Variants in INPP4B observed in about 807,000 individuals in gnomAD.
INPP4B encodes inositol polyphosphate 4-phosphatase type II.
INPP4B carries 55 observed loss-of-function variants against 122.5 expected under a neutral mutation model. The observed-to-expected ratio is 0.45, with a 90% CI of 0.36 to 0.56. INPP4B has a LOEUF of 0.56. Ranked by LOEUF, INPP4B falls within the 20% of genes least tolerant of loss-of-function variation. The pLI, the probability that INPP4B is intolerant of heterozygous loss-of-function variation, is 0.00. For missense variants in INPP4B, 1,000 were observed against 1,097.7 expected (o/e 0.91, Z 1.26); for synonymous variants, 403 against 388.7 (o/e 1.04, Z -0.43).
At chr4:142,663,775 C>T (rs896119378) in intron 2 of INPP4B, among the ~76,000 whole-genome samples, 2 of 152,066 alleles carry the variant, frequency 1.3e-5, no homozygotes, top group Admixed American at 6.5e-5. Flanking sequence ...TAGCAACTGT[C>T]ACCATAGTTT....
chr4:142,220,224 A>G (rs1227336755), intron 12 of INPP4B, among the ~76,000 whole-genome samples: 4 of 152,158 alleles, frequency 2.6e-5, no homozygotes, highest in Admixed American at 6.5e-5. Context: ...AGTTTCTCCT[A>G]TGAAAGTGTC....
At chr4:142,515,819 A>G (rs994194921) in intron 2 of INPP4B, among the ~76,000 whole-genome samples, 1 of 152,210 alleles carries the variant, frequency 6.6e-6, no homozygotes, top group East Asian at 1.9e-4. Context: ...TTCTCATTCT[A>G]CTTTTTAATA....
chr4:142,072,940 C>T (rs991063544), intron 25 of INPP4B, among the ~76,000 whole-genome samples: 1 of 152,014 alleles, frequency 6.6e-6, no homozygotes, highest in African/African-American at 2.4e-5. Flanking sequence ...ATTCCCACTG[C>T]TAAGAAGTGG....
At chr4:142,517,476 G>A (rs1400744092) in intron 2 of INPP4B, among the ~76,000 whole-genome samples, 1 of 152,112 alleles carries the variant, frequency 6.6e-6, no homozygotes, top group Non-Finnish European at 1.5e-5. Context: ...GAACTGGGTA[G>A]TAAAATACAT....
intron 12 of INPP4B, among the ~76,000 whole-genome samples, chr4:142,235,870 A>G (rs111828473): frequency 6.6e-6 from 1 of 152,186 alleles, no homozygotes; most frequent in Admixed American, 6.5e-5. Flanking sequence ...ATCACAGTAA[A>G]TGGGATATTC....
chr4:142,533,296 A>T (rs1290057356), intron 2 of INPP4B, among the ~76,000 whole-genome samples: 1 of 152,258 alleles, frequency 6.6e-6, no homozygotes, highest in East Asian at 1.9e-4. Flanking sequence ...CTACTCTGCC[A>T]TCAGTGTGAG....
intron 2 of INPP4B, among the ~76,000 whole-genome samples, chr4:142,499,273 A>G (rs571694743): frequency 6.6e-6 from 1 of 152,142 alleles, no homozygotes; most frequent in Admixed American, 6.6e-5. Flanking sequence ...TCAAGAAGCA[A>G]ATAATACAGC....
intron 12 of INPP4B, among the ~76,000 whole-genome samples, chr4:142,211,395 A>T (rs955130131): frequency 6.6e-6 from 1 of 152,196 alleles, no homozygotes; most frequent in Non-Finnish European, 1.5e-5. Context: ...ATTCATAATG[A>T]CATTTTCATT....
chr4:142,216,904 A>T (rs1037150975), intron 12 of INPP4B, among the ~76,000 whole-genome samples: 1 of 152,214 alleles, frequency 6.6e-6, no homozygotes, highest in Non-Finnish European at 1.5e-5. Flanking sequence ...GTTACATATA[A>T]TGTGTAAAAT....
intron 11 of INPP4B, among the ~76,000 whole-genome samples, chr4:142,255,601 C>A (rs955176829): frequency 3.3e-5 from 5 of 152,094 alleles, no homozygotes; most frequent in African/African-American, 9.7e-5. Flanking sequence ...CCAAAAGCGA[C>A]AAAGAAGGCC....
At chr4:142,090,333 A>G (rs981629459) in intron 23 of INPP4B, among the ~76,000 whole-genome samples, 3 of 151,206 alleles carry the variant, frequency 2.0e-5, no homozygotes, top group Admixed American at 6.6e-5. Context: ...TTCTATTTCT[A>G]TAGTGACAAA....
Position 142,843,126 on chromosome 4 carries a change from G to GTCTTTTCTAGGTATATACTGA in INPP4B, c.-254+3062_-254+3082dup, listed in dbSNP as rs540787713. Among the ~76,000 whole-genome samples the GTCTTTTCTAGGTATATACTGA allele has an allele frequency of 5.8e-3, 875 of 151,020 alleles. 8 individuals are homozygous for GTCTTTTCTAGGTATATACTGA. Among genetic ancestry groups the GTCTTTTCTAGGTATATACTGA allele is most frequent in the African/African-American group, 0.02 (836 of 41,272 alleles). ...TTAAAATTTTTGCACATATCTTAATGTCTTTTCTAGGTATATACTGATCTT... is the reference window on the plus strand; with the variant it reads ...TTAAAATTTTTGCACATATCTTAATGTCTTTTCTAGGTATATACTGATCTTTTCTAGGTATATACTGATCTT... On this transcript the variant is annotated intron_variant, in intron 1 of 25. Coordinates refer to ENST00000262992, the MANE Select transcript of INPP4B (RefSeq NM_001101669.3).
At chr4:142,788,826 C>T (rs1372186412) in intron 1 of INPP4B, among the ~76,000 whole-genome samples, 1 of 152,032 alleles carries the variant, frequency 6.6e-6, no homozygotes, top group Non-Finnish European at 1.5e-5. Flanking sequence ...AGTAGTATTC[C>T]ATTGTATTTA....
intron 1 of INPP4B, among the ~76,000 whole-genome samples, chr4:142,753,326 C>T (rs989412192): frequency 6.6e-6 from 1 of 152,010 alleles, no homozygotes; most frequent in African/African-American, 2.4e-5. Context: ...TTCTCATTCT[C>T]GTTATCACAC....
chr4:142,140,631 T>A (rs1807278731), intron 18 of INPP4B, among the ~76,000 whole-genome samples: 1 of 152,144 alleles, frequency 6.6e-6, no homozygotes, highest in South Asian at 2.1e-4. Flanking sequence ...TTTATTAGAG[T>A]GTACTCAAAG....
chr4:142,790,189 A>G (rs1160212640), intron 1 of INPP4B, among the ~76,000 whole-genome samples: 2 of 152,192 alleles, frequency 1.3e-5, no homozygotes, highest in Non-Finnish European at 2.9e-5. Context: ...TTCATGACCA[A>G]GAACCCAAAA....
chr4:142,423,768 A>G (rs1204953048), intron 5 of INPP4B: 1 of 429,690 alleles, frequency 2.3e-6, no homozygotes, highest in South Asian at 1.7e-5. Context: ...TAGAAAAAAA[A>G]CAGACCTTCT....
chr4:142,704,165 A>T (rs912748816), intron 2 of INPP4B, among the ~76,000 whole-genome samples: 1 of 152,166 alleles, frequency 6.6e-6, no homozygotes, highest in Non-Finnish European at 1.5e-5. Context: ...GTTCCAGAAC[A>T]TGTATGAAGA....
At chr4:142,767,448 G>A (rs563979100) in intron 1 of INPP4B, 2 of 152,156 alleles carry the variant, frequency 1.3e-5, no homozygotes, top group Non-Finnish European at 2.9e-5. Flanking sequence ...TGATAGTCAG[G>A]AATGGGCTGG....
Sources: gnomAD v4.1 joint callset for allele counts (sites outside exome capture counted in the v4.1 genomes callset) on GRCh38, gnomAD v4.1.1 for gene constraint, MANE v1.5 for transcripts, NCBI Gene and HGNC (gene_info 2026-07-23, HGNC 2026-07-21) for gene names.